Variants in ASXL2 observed in about 807,000 individuals in gnomAD.
ASXL2 encodes the protein putative Polycomb group protein ASXL2.
A neutral mutation model predicts 122.0 loss-of-function variants in ASXL2; 23 were observed. The ratio of observed to expected loss-of-function variants is 0.19; its 90% CI spans 0.14 to 0.27. The LOEUF is 0.27. Among genes scored for constraint, ASXL2 ranks in the 10% least tolerant of loss-of-function variants. The pLI is 1.00. For missense variants in ASXL2, 1,518 were observed against 1,713.8 expected, an observed-to-expected ratio of 0.89 and a Z score of 2.02; for synonymous variants, 650 against 637.0, an observed-to-expected ratio of 1.02 and a Z score of -0.31.
intron 2 of ASXL2, among the ~76,000 whole-genome samples, chr2:25,844,615 C>A (rs971203224): frequency 4.0e-5 from 6 of 150,400 alleles, no homozygotes; most frequent in East Asian, 3.9e-4. Flanking sequence ...CAAAAAAAAA[C>A]ACACACACAC....
chr2:25,784,533 T>C (rs1032387870), intron 5 of ASXL2, among the ~76,000 whole-genome samples: 1 of 152,216 alleles, frequency 6.6e-6, no homozygotes, highest in Admixed American at 6.5e-5. Context: ...AACAAGACAC[T>C]TATTCCTTCA....
At chr2:25,856,545 T>G (rs548381280) in intron 1 of ASXL2, 1 of 1,129,984 alleles carries the variant, frequency 8.8e-7, no homozygotes, top group Non-Finnish European at 1.3e-6. Flanking sequence ...AATGAGTTGG[T>G]TGTATTTCGC....
At position 25,735,125 on chromosome 2, in the gene ASXL2, C is replaced by T. The variant is rs1436561460; in HGVS notation, c.*6904G>A. On this transcript the variant is annotated 3_prime_UTR_variant, in exon 13 of 13. Coordinates refer to ENST00000435504, the MANE Select transcript of ASXL2 (RefSeq NM_018263.6). ...GCCACAGCCCATCTCCAAGTTGATC[C>T]TTTCTGGCTCTTTTCCTGGTTTCGC... 6.6e-6 allele frequency: 1 copy of T among 152,184 alleles called. No individual in the cohort carries two copies. Among genetic ancestry groups the T allele is most frequent in the African/African-American group, 2.4e-5 (1 of 41,434 alleles). The allele number at this position is 152,184 out of a possible 1,614,324, so 9.4% of individuals were successfully genotyped here.
At chr2:25,877,656 G>A (rs1044963487) in intron 1 of ASXL2, among the ~76,000 whole-genome samples, 1 of 152,140 alleles carries the variant, frequency 6.6e-6, no homozygotes, top group Non-Finnish European at 1.5e-5. Flanking sequence ...GTGATCTCTC[G>A]TCTGCTCCGG....
chr2:25,743,372 C>T lies in ASXL2; in HGVS notation c.2965G>A (p.Gly989Arg). The change falls in exon 13 of 13, where the codon GGG (glycine) becomes AGG (arginine). Residue 989 changes from glycine to arginine, a missense_variant. By Grantham distance (125) the Gly-to-Arg change is moderately radical. Transcript: ENST00000435504. ...TVPLTAKEERGMGALIATNTT... is the reference protein window; with the variant it reads ...TVPLTAKEERRMGALIATNTT... ...TTGGTAGCTATGAGCGCTCCCATCC[C>T]CCTTTCCTCTTTTGCAGTCAGTGGA... 6.2e-7 allele frequency: 1 copy of T among 1,613,902 alleles called. No individual in the cohort carries two copies. The highest frequency in any genetic ancestry group is 8.5e-7 in the Non-Finnish European group (1 of 1,179,900).
chr2:25,853,743 A>C (rs2089745322), intron 1 of ASXL2, among the ~76,000 whole-genome samples: 1 of 151,880 alleles, frequency 6.6e-6, no homozygotes, highest in Non-Finnish European at 1.5e-5. Flanking sequence ...TCCTGGGCTC[A>C]AGCAATCCTC....
At chr2:25,857,877 TTTTA>T (rs1265296453) in intron 1 of ASXL2, among the ~76,000 whole-genome samples, 1 of 152,126 alleles carries the variant, frequency 6.6e-6, no homozygotes, top group African/African-American at 2.4e-5. Context: ...CTTTATTTTA[TTTTA>T]TTTATTTTTG....
chr2:25,863,564 G>C (rs1029459951), intron 1 of ASXL2, among the ~76,000 whole-genome samples: 3 of 151,408 alleles, frequency 2.0e-5, no homozygotes, highest in African/African-American at 7.3e-5. Flanking sequence ...GTGGTGGCAG[G>C]CACCTGTAGT....
At chr2:25,771,661 T>C in intron 5 of ASXL2, 121 bp from the exon 6 acceptor site, 1 of 786,056 alleles carries the variant, frequency 1.3e-6, no homozygotes, top group Non-Finnish European at 2.0e-6. Flanking sequence ...TTGGGAACGA[T>C]GTACTTTTTG....
chr2:25,808,223 T>G (rs1419698646), intron 3 of ASXL2, among the ~76,000 whole-genome samples: 1 of 151,962 alleles, frequency 6.6e-6, no homozygotes, highest in Non-Finnish European at 1.5e-5. Flanking sequence ...AAAGGAAAAA[T>G]CTGGAATTAG....
At chr2:25,826,236 A>G (rs1357871603) in intron 3 of ASXL2, among the ~76,000 whole-genome samples, 3 of 151,578 alleles carry the variant, frequency 2.0e-5, no homozygotes, top group African/African-American at 2.4e-5. Context: ...TTTGCAACAA[A>G]TTATCTTTGA....
chr2:25,777,926 T>C (rs1463940336), intron 5 of ASXL2, among the ~76,000 whole-genome samples: 5 of 152,228 alleles, frequency 3.3e-5, no homozygotes, highest in African/African-American at 7.2e-5. Context: ...TAAGGCTATA[T>C]ATATTTATAT....
Position 25,852,588 on chromosome 2 carries a change from TGCCATACCAGTAAA to T in ASXL2, c.58-7039_58-7026del, listed in dbSNP as rs1317916217. On this transcript the variant is annotated intron_variant, in intron 1 of 12. Transcript: ENST00000435504. ...CAAAAGCTTTAATTAGGGTAACTTGTGCCATACCAGTAAATCAGATCAGCCAATATAGAGTGAGA... is the reference window on the plus strand; with the variant it reads ...CAAAAGCTTTAATTAGGGTAACTTGTTCAGATCAGCCAATATAGAGTGAGA... Among the ~76,000 whole-genome samples the T allele has an allele frequency of 9.0e-4, 137 of 152,324 alleles. 2 individuals carry two copies. The highest frequency in any genetic ancestry group is 3.1e-3 in the African/African-American group (128 of 41,578).
chr2:25,788,379 G>A (rs1050509177), intron 5 of ASXL2, among the ~76,000 whole-genome samples: 2 of 152,084 alleles, frequency 1.3e-5, no homozygotes, highest in Non-Finnish European at 2.9e-5. Context: ...TCCTATCTTT[G>A]ATGAACATTT....
chr2:25,750,670 T>C (rs1249395220), intron 11 of ASXL2, among the ~76,000 whole-genome samples: 1 of 152,220 alleles, frequency 6.6e-6, no homozygotes, highest in East Asian at 1.9e-4. Flanking sequence ...TCTTCAATTG[T>C]ACACTAGGTT....
At chr2:25,815,050 C>T (rs1470067263) in intron 3 of ASXL2, among the ~76,000 whole-genome samples, 1 of 152,208 alleles carries the variant, frequency 6.6e-6, no homozygotes, top group Non-Finnish European at 1.5e-5. Context: ...TACCAACTTA[C>T]TATCCTACCC....
intron 3 of ASXL2, among the ~76,000 whole-genome samples, chr2:25,828,682 G>T (rs746507979): frequency 6.6e-6 from 1 of 151,072 alleles, no homozygotes; most frequent in Non-Finnish European, 1.5e-5. Context: ...AAAATTAGCC[G>T]GGAGTGGTGG....
At chr2:25,750,911 G>T (rs1241435825) in intron 11 of ASXL2, among the ~76,000 whole-genome samples, 1 of 152,058 alleles carries the variant, frequency 6.6e-6, no homozygotes, top group African/African-American at 2.4e-5. Context: ...GCAAACCCAG[G>T]CCCAAAAAAT....
intron 2 of ASXL2, among the ~76,000 whole-genome samples, chr2:25,842,037 G>A (rs193215738): frequency 1.8e-4 from 27 of 151,228 alleles, no homozygotes; most frequent in African/African-American, 5.3e-4. Flanking sequence ...ACTTGAACCC[G>A]GGAGAAAGAG....
Sources: allele counts gnomAD v4.1 joint callset (sites outside exome capture counted in the v4.1 genomes callset), GRCh38; gene constraint gnomAD v4.1.1; transcripts MANE v1.5; gene names NCBI Gene and HGNC (gene_info 2026-07-23, HGNC 2026-07-21).